HERC6: variants seen among roughly 807,000 people sequenced by gnomAD.
HERC6 encodes the protein HECT and RLD domain containing E3 ubiquitin protein ligase family member 6, also known as probable E3 ubiquitin-protein ligase HERC6.
HERC6 carries 101 observed loss-of-function variants against 114.5 expected under a neutral mutation model. That is an observed-to-expected ratio of 0.88 (90% CI 0.75 to 1.04). The LOEUF (loss-of-function observed/expected upper bound fraction) is 1.04. Among genes scored for constraint, HERC6 ranks in the 50% least tolerant of loss-of-function variants. The probability of loss-of-function intolerance (pLI) is 0.00; values close to 1 mark genes in which losing one functional copy is unlikely to be tolerated. For missense variants in HERC6, 1,133 were observed against 1,230.9 expected, an observed-to-expected ratio of 0.92 and a Z score of 1.19; for synonymous variants, 408 against 436.2, an observed-to-expected ratio of 0.94 and a Z score of 0.81.
At chr4:88,424,535 A>T in intron 14 of HERC6, 60 bp from the exon 15 acceptor site, 1 of 1,257,062 alleles carries the variant, frequency 8.0e-7, no homozygotes, top group East Asian at 2.3e-5. Context: ...AAGGTAAAGG[A>T]AGTAAGTTTT....
intron 20 of HERC6, among the ~76,000 whole-genome samples, chr4:88,438,785 T>C (rs1739026316): frequency 6.6e-6 from 1 of 152,280 alleles, no homozygotes; most frequent in East Asian, 1.9e-4. Context: ...GCTGCAAATG[T>C]GTGTCCCCTC....
intron 13 of HERC6, among the ~76,000 whole-genome samples, chr4:88,419,393 G>T (rs1175310280): frequency 6.6e-6 from 1 of 152,138 alleles, no homozygotes; most frequent in East Asian, 1.9e-4. Context: ...AAATCAGACT[G>T]GACTCTTGAC....
At chr4:88,390,561 G>A (rs1012893575) in intron 3 of HERC6, 91 bp from the exon 4 acceptor site, 4 of 1,184,236 alleles carry the variant, frequency 3.4e-6, no homozygotes, top group African/African-American at 1.5e-5. Context: ...CCTCATTAAA[G>A]CCACAAAAAA....
At chr4:88,440,562 G>C in intron 22 of HERC6, 1 of 238,476 alleles carries the variant, frequency 4.2e-6, no homozygotes, top group Non-Finnish European at 8.0e-6. Context: ...TCTACATAGG[G>C]CATGAAAAAC....
intron 21 of HERC6, 23 bp downstream of exon 21, chr4:88,440,080 C>G (rs754845298): frequency 1.2e-6 from 2 of 1,606,224 alleles, no homozygotes; most frequent in South Asian, 2.2e-5. Flanking sequence ...TAAAGTGCCC[C>G]AATTTTTCCG....
intron 20 of HERC6, among the ~76,000 whole-genome samples, chr4:88,438,768 C>T (rs764857578): frequency 7.2e-5 from 11 of 152,146 alleles, no homozygotes; most frequent in Non-Finnish European, 1.3e-4. Context: ...CACAGAAATT[C>T]GCCAATGCTG....
intron 13 of HERC6, among the ~76,000 whole-genome samples, chr4:88,423,133 G>A (rs1191190420): frequency 6.8e-6 from 1 of 146,746 alleles, no homozygotes; most frequent in Non-Finnish European, 1.5e-5. Flanking sequence ...CTTTTCATTT[G>A]TTGATCTTGC....
chr4:88,418,922 T>C (rs1428862204), intron 13 of HERC6, among the ~76,000 whole-genome samples: 1 of 152,184 alleles, frequency 6.6e-6, no homozygotes, highest in Non-Finnish European at 1.5e-5. Flanking sequence ...AGATGGGGTT[T>C]CACCATGTTG....
Position 88,385,499 on chromosome 4 carries a change from GA to G in HERC6, c.364del (p.Ile122Ter). The G allele has an allele frequency of 7.3e-7, 1 of 1,369,448 alleles. No homozygotes were observed. Among genetic ancestry groups the G allele is most frequent in the Non-Finnish European group, 1.0e-6 (1 of 1,001,244 alleles). 84.8% of individuals were successfully genotyped at this position (1,369,448 alleles called of 1,614,324 possible). A position where few individuals can be genotyped will look rare whatever the true frequency, so the allele number is the denominator to read the frequency against. On this transcript the variant is annotated frameshift_variant and splice_region_variant, in exon 3 of 23. Coordinates refer to ENST00000264346, the MANE Select transcript of HERC6 (RefSeq NM_017912.4). LOFTEE classifies it high-confidence loss of function. ...CAATTTTGTATTATTTGTATTATAG[GA>G]AAATAATGACTCTGAATGATATAAA... Reference protein sequence around the residue: ...EFKEISFTPKKIMTLNDIKII... With the variant: ...EFKEISFTPKXIMTLNDIKII...
intron 2 of HERC6, among the ~76,000 whole-genome samples, chr4:88,384,848 C>T (rs1229823016): frequency 6.6e-6 from 1 of 151,886 alleles, no homozygotes; most frequent in Non-Finnish European, 1.5e-5. Flanking sequence ...GGTGAAACCT[C>T]GTCTATACTA....
chr4:88,413,599 A>T (rs1257365836), intron 12 of HERC6, among the ~76,000 whole-genome samples: 1 of 152,170 alleles, frequency 6.6e-6, no homozygotes, highest in African/African-American at 2.4e-5. Flanking sequence ...TTTTTTGCTC[A>T]TGTTATTTTG....
At chr4:88,438,793 C>T in intron 20 of HERC6, among the ~76,000 whole-genome samples, 1 of 152,172 alleles carries the variant, frequency 6.6e-6, no homozygotes. Context: ...TGTGTGTCCC[C>T]TCCCCTCCCA....
Position 88,442,576 on chromosome 4 carries a change from T to C in HERC6, c.*116T>C. 2 of 808,506 alleles carry C rather than the reference T, an allele frequency of 2.5e-6. No individual in the cohort carries two copies. Among genetic ancestry groups the C allele is most frequent in the Non-Finnish European group, 2.0e-6 (1 of 496,766 alleles). The allele number at this position is 808,506 out of a possible 1,614,324, so 50.1% of individuals were successfully genotyped here. On this transcript the variant is annotated 3_prime_UTR_variant, in exon 23 of 23. Transcript: ENST00000264346. ...TGGTTAGAAGTAGTTGAGGGAGAGA[T>C]TGGGGGAATGGGGAGATGATGATGA...
intron 13 of HERC6, among the ~76,000 whole-genome samples, chr4:88,421,451 CT>C (rs200388722): frequency 9.3e-4 from 124 of 133,808 alleles, no homozygotes; most frequent in Middle Eastern, 3.6e-3. Flanking sequence ...CTTTTCTTTT[CT>C]TTTTTTTTTT....
At position 88,386,279 on chromosome 4, in the gene HERC6, C is replaced by A. The variant is rs1734577584; in HGVS notation, c.436+704C>A. On this transcript the variant is annotated intron_variant, in intron 3 of 22. Transcript: ENST00000264346. The stretch of plus-strand genomic sequence containing the variant: ...GGAGTGTGGTGGCACGATCTCAGCT[C>A]ACTGCAACCTCCACCTCCTGGGTTC... Among the ~76,000 whole-genome samples the A allele has an allele frequency of 2.0e-5, 3 of 149,558 alleles. No individual in the cohort carries two copies. In the South Asian group the frequency reaches 6.3e-4, roughly 31 times the overall value.
chr4:88,393,979 G>A (rs1010243248), intron 5 of HERC6, among the ~76,000 whole-genome samples: 3 of 152,140 alleles, frequency 2.0e-5, no homozygotes, highest in Non-Finnish European at 2.9e-5. Flanking sequence ...TGGCATTGAG[G>A]TTTAGGACTT....
chr4:88,381,848 G>A (rs757188454), intron 1 of HERC6, among the ~76,000 whole-genome samples: 2 of 151,974 alleles, frequency 1.3e-5, no homozygotes, highest in Non-Finnish European at 2.9e-5. Context: ...GAGCCACTGC[G>A]CCCGGCTGAC....
At chr4:88,401,197 TAAGA>T (rs1246335466) in intron 8 of HERC6, among the ~76,000 whole-genome samples, 1 of 152,048 alleles carries the variant, frequency 6.6e-6, no homozygotes, top group Non-Finnish European at 1.5e-5. Flanking sequence ...TCATGCTGCA[TAAGA>T]AAGAGTGAAT....
At chr4:88,384,792 G>C (rs1734491175) in intron 2 of HERC6, among the ~76,000 whole-genome samples, 1 of 152,080 alleles carries the variant, frequency 6.6e-6, no homozygotes, top group Admixed American at 6.5e-5. Context: ...GGCCAAGGTG[G>C]GCGGATCACC....
Sources: allele counts gnomAD v4.1 joint callset (sites outside exome capture counted in the v4.1 genomes callset), GRCh38; gene constraint gnomAD v4.1.1; transcripts MANE v1.5; gene names NCBI Gene and HGNC (gene_info 2026-07-23, HGNC 2026-07-21).